The following CNPY1 variants were observed in gnomAD, a reference collection of about 807,000 sequenced individuals.
CNPY1 encodes the protein canopy FGF signaling regulator 1.
A neutral mutation model predicts 14.4 loss-of-function variants in CNPY1; 14 were observed. The observed-to-expected ratio is 0.97, with a 90% CI of 0.64 to 1.52. CNPY1 has a LOEUF of 1.52. Among genes scored for constraint, CNPY1 ranks in the 40% most tolerant of loss-of-function variants. The pLI is 0.00. For synonymous variants in CNPY1, 43 were observed against 46.5 expected, an observed-to-expected ratio of 0.92 and a Z score of 0.31; for missense variants, 129 against 131.5, an observed-to-expected ratio of 0.98 and a Z score of 0.09.
intron 2 of CNPY1, among the ~76,000 whole-genome samples, chr7:155,527,113 A>G (rs1393459312): frequency 1.5e-5 from 2 of 129,204 alleles, no homozygotes; most frequent in African/African-American, 3.0e-5. Context: ...GGGCATTGGC[A>G]TGATTTCAGC....
At chr7:155,513,216 C>T (rs1351108039) in intron 2 of CNPY1, among the ~76,000 whole-genome samples, 7 of 152,078 alleles carry the variant, frequency 4.6e-5, no homozygotes, top group East Asian at 1.9e-4. Context: ...GCACTCATTT[C>T]GATGAGGAAT....
At chr7:155,529,573 G>A (rs1049880796) in intron 2 of CNPY1, among the ~76,000 whole-genome samples, 1 of 152,162 alleles carries the variant, frequency 6.6e-6, no homozygotes, top group African/African-American at 2.4e-5. Context: ...GCTTATGGAC[G>A]CATCACTGCC....
At chr7:155,515,297 C>G (rs1326658834) in intron 2 of CNPY1, among the ~76,000 whole-genome samples, 1 of 28,224 alleles carries the variant, frequency 3.5e-5, no homozygotes, top group South Asian at 1.1e-3. Context: ...CAAGGCCGCC[C>G]CCCCCCCCCC....
Position 155,503,083 on chromosome 7 carries a change from A to G in CNPY1, c.423T>C (p.Asn141=). 1.2e-6 allele frequency: 2 copies of G among 1,606,546 alleles called. No individual in the cohort carries two copies. Among genetic ancestry groups the G allele is most frequent in the Non-Finnish European group, 1.7e-6 (2 of 1,178,780 alleles). Residue 141 remains asparagine (N), a synonymous_variant, in exon 5 of 5, where the codon AAT becomes AAC. Coordinates refer to ENST00000636446, the MANE Select transcript of CNPY1 (RefSeq NM_001393663.1). The stretch of plus-strand genomic sequence containing the variant: ...AACGGCACTCCTAGAGCTCAGTATG[A>G]TTAGCAGAAGTTTCACACAGATCTG... ...EKSDLCETSA[N]HTEL
chr7:155,537,952 G>A (rs1458856785), intron 2 of CNPY1, among the ~76,000 whole-genome samples: 2 of 152,286 alleles, frequency 1.3e-5, no homozygotes, highest in South Asian at 2.1e-4. Context: ...GAGCTCAGCA[G>A]TAATACGCAG....
chr7:155,538,857 C>T (rs965051112), intron 2 of CNPY1, among the ~76,000 whole-genome samples: 6 of 152,184 alleles, frequency 3.9e-5, no homozygotes, highest in Non-Finnish European at 7.3e-5. Context: ...TTCACACTGG[C>T]GGCTGCTGAG....
In CNPY1 at chr7:155,536,772, TG is replaced by T. The variant is rs1797029654; in HGVS notation, c.99+9058del. ...TGCCAACCCACACTAGACTACGACA[TG>T]AGCAAGAAGTCAACTCTCAACGCTC... On this transcript the variant is annotated intron_variant, in intron 2 of 4. Transcript: ENST00000636446. The surrounding 1 kb of genome is among the most constrained non-coding windows in gnomAD (Gnocchi z 4.1). Among the ~76,000 whole-genome samples the T allele has an allele frequency of 6.6e-6, 1 of 152,178 alleles. No homozygotes were observed. The highest frequency in any genetic ancestry group is 2.1e-4 in the South Asian group (1 of 4,832).
intron 2 of CNPY1, among the ~76,000 whole-genome samples, chr7:155,535,784 G>A (rs986040576): frequency 7.2e-5 from 11 of 152,184 alleles, no homozygotes; most frequent in Admixed American, 6.5e-5. Flanking sequence ...GATCAGGGTC[G>A]TGTCATTGGA....
At chr7:155,519,276 A>G (rs949084876) in intron 2 of CNPY1, among the ~76,000 whole-genome samples, 2 of 152,222 alleles carry the variant, frequency 1.3e-5, no homozygotes, top group Middle Eastern at 6.8e-3. Context: ...GTAATCCTGC[A>G]CTAGAGAGGC....
intron 3 of CNPY1, among the ~76,000 whole-genome samples, chr7:155,508,608 A>G (rs1220919402): frequency 2.6e-5 from 4 of 152,238 alleles, no homozygotes; most frequent in African/African-American, 9.6e-5. Flanking sequence ...AACTGTCTTA[A>G]AGTCCCCGGG....
chr7:155,538,824 C>G (rs560583504), intron 2 of CNPY1, among the ~76,000 whole-genome samples: 1 of 152,252 alleles, frequency 6.6e-6, no homozygotes, highest in South Asian at 2.1e-4. Flanking sequence ...CTCAACTCAC[C>G]CTTCACTCTC....
chr7:155,522,300 C>T (rs1041855560), intron 2 of CNPY1, among the ~76,000 whole-genome samples: 1 of 152,276 alleles, frequency 6.6e-6, no homozygotes, highest in African/African-American at 2.4e-5. Context: ...AGACACACTT[C>T]AAAGTGGGGG....
chr7:155,507,151 C>T (rs535482078), intron 3 of CNPY1, 35 bp from the exon 4 acceptor site: 33 of 1,311,066 alleles, frequency 2.5e-5, no homozygotes, highest in Admixed American at 8.4e-5. Flanking sequence ...TGTGGATAGA[C>T]GCACACTGGC....
Position 155,511,761 on chromosome 7 carries a change from G to A in CNPY1, c.100-2664C>T, listed in dbSNP as rs537775740. 9.9e-5 allele frequency among the ~76,000 whole-genome samples: 15 copies of A among 152,238 alleles called. No individual in the cohort carries two copies. The South Asian group carries it at 3.1e-3, about 32-fold the overall frequency. On this transcript the variant is annotated intron_variant, in intron 2 of 4. Coordinates refer to ENST00000636446, the MANE Select transcript of CNPY1 (RefSeq NM_001393663.1). Reference sequence around the variant, plus strand: ...ACGATGTTCGTTAAAAACAGGAAAGGGAAAACAGCCAGCATGAGACGAGTG... The same window carrying A: ...ACGATGTTCGTTAAAAACAGGAAAGAGAAAACAGCCAGCATGAGACGAGTG...
At chr7:155,510,185 C>T (rs1308799739) in intron 2 of CNPY1, 1 of 152,280 alleles carries the variant, frequency 6.6e-6, no homozygotes, top group Non-Finnish European at 1.5e-5. Context: ...TGCCAGCGGC[C>T]GCGCTACATT....
intron 2 of CNPY1, among the ~76,000 whole-genome samples, chr7:155,535,636 C>T (rs12538189): frequency 0.21 from 31,615 of 152,180 alleles, 3,972 homozygotes; most frequent in Non-Finnish European, 0.28. Context: ...TGCCTACACA[C>T]GAGGCCTGAT....
At chr7:155,516,057 A>G (rs143132961) in intron 2 of CNPY1, among the ~76,000 whole-genome samples, 1 of 151,998 alleles carries the variant, frequency 6.6e-6, no homozygotes, top group African/African-American at 2.4e-5. Context: ...CATGACATGC[A>G]CCCTGTCTAT....
chr7:155,533,040 C>T (rs1796967438), intron 2 of CNPY1, among the ~76,000 whole-genome samples: 1 of 152,240 alleles, frequency 6.6e-6, no homozygotes, highest in African/African-American at 2.4e-5. Flanking sequence ...TCGATACCCA[C>T]TCAACGTCCT....
At chr7:155,529,945 G>A (rs564303773) in intron 2 of CNPY1, among the ~76,000 whole-genome samples, 5 of 152,132 alleles carry the variant, frequency 3.3e-5, no homozygotes, top group Admixed American at 3.3e-4. Flanking sequence ...ACCACGCCCA[G>A]CTAATTTATT....
Sources: gnomAD v4.1 joint callset for allele counts (sites outside exome capture counted in the v4.1 genomes callset) on GRCh38, gnomAD v4.1.1 for gene constraint, Gnocchi (gnomAD v3.1) non-coding constraint, MANE v1.5 for transcripts, NCBI Gene and HGNC (gene_info 2026-07-23, HGNC 2026-07-21) for gene names.